GNB4: variants seen among roughly 807,000 people sequenced by gnomAD.
GNB4 encodes G protein subunit beta 4.
GNB4 carries 28 observed loss-of-function variants against 45.2 expected under a neutral mutation model. The observed-to-expected ratio is 0.62, with a 90% CI of 0.46 to 0.85. GNB4 has a LOEUF of 0.85. Ranked by LOEUF, GNB4 falls within the 40% of genes least tolerant of loss-of-function variation. GNB4 has a pLI of 0.00. For missense variants in GNB4, 321 were observed against 425.4 expected, an observed-to-expected ratio of 0.75 and a Z score of 2.16; for synonymous variants, 132 against 143.7, an observed-to-expected ratio of 0.92 and a Z score of 0.58.
intron 4 of GNB4, among the ~76,000 whole-genome samples, chr3:179,418,470 C>CAAAAAAAAAAAAA (rs386356535): frequency 9.3e-4 from 89 of 95,318 alleles, no homozygotes; most frequent in Non-Finnish European, 1.4e-3. Context: ...AACTCTGTCT[C>CAAAAAAAAAAAAA]AAAAAAAAAA....
At chr3:179,476,980 A>G in the GNB4 span, among the ~76,000 whole-genome samples, 2 of 152,168 alleles carry the variant, frequency 1.3e-5, no homozygotes, top group Non-Finnish European at 2.9e-5. Context: ...TACAGACCCA[A>G]GGTGGCTCTG....
the GNB4 span, among the ~76,000 whole-genome samples, chr3:179,492,046 T>G: frequency 6.0e-4 from 91 of 152,298 alleles, no homozygotes; most frequent in Non-Finnish European, 1.1e-3. Flanking sequence ...AGAAACCATG[T>G]GAAGCACAAA....
intron 4 of GNB4, among the ~76,000 whole-genome samples, chr3:179,418,845 A>G (rs1441965045): frequency 1.3e-5 from 2 of 152,260 alleles, no homozygotes; most frequent in Non-Finnish European, 2.9e-5. Context: ...GACAGTGATG[A>G]GCAATCTATC....
the GNB4 span, among the ~76,000 whole-genome samples, chr3:179,499,037 A>C: frequency 3.4e-4 from 51 of 151,374 alleles, no homozygotes; most frequent in Non-Finnish European, 1.5e-4. Context: ...TGTTCTTGTT[A>C]GTTTGCTGAG....
At chr3:179,494,571 G>A in the GNB4 span, among the ~76,000 whole-genome samples, 4 of 151,054 alleles carry the variant, frequency 2.6e-5, no homozygotes, top group Non-Finnish European at 5.9e-5. Context: ...AGGAAGGAAG[G>A]AGGGAGGGAG....
At chr3:179,403,359 A>G (rs1281839477) in intron 9 of GNB4, among the ~76,000 whole-genome samples, 1 of 152,124 alleles carries the variant, frequency 6.6e-6, no homozygotes, top group Non-Finnish European at 1.5e-5. Context: ...CTTAAAAAAA[A>G]AATTCTTTCA....
the GNB4 span, among the ~76,000 whole-genome samples, chr3:179,458,725 T>C: frequency 2.0e-3 from 298 of 152,332 alleles, 1 homozygote; most frequent in African/African-American, 6.8e-3. Flanking sequence ...TGCTAGGCTG[T>C]GTTTTTAAAT....
chr3:179,518,158 A>T, the GNB4 span, among the ~76,000 whole-genome samples: 4 of 151,820 alleles, frequency 2.6e-5, no homozygotes, highest in Admixed American at 1.3e-4. Flanking sequence ...AACCTCTTTA[A>T]CTCACACCTG....
chr3:179,419,701 T>C (rs1249205428), intron 3 of GNB4, among the ~76,000 whole-genome samples, 196 bp from the exon 4 acceptor site: 1 of 152,146 alleles, frequency 6.6e-6, no homozygotes, highest in Admixed American at 6.5e-5. Context: ...TTTAAAATAA[T>C]CCTATGTGCT....
the GNB4 span, among the ~76,000 whole-genome samples, chr3:179,461,575 T>C: frequency 1.3e-5 from 2 of 152,296 alleles, no homozygotes; most frequent in African/African-American, 4.8e-5. Context: ...AGCTAATTGT[T>C]TGGGTCTACA....
chr3:179,475,445 T>C, the GNB4 span, among the ~76,000 whole-genome samples: 2 of 150,258 alleles, frequency 1.3e-5, no homozygotes, highest in Non-Finnish European at 3.0e-5. Context: ...TTTTCATTTT[T>C]ATTTTATTTT....
At chr3:179,519,761 C>T in the GNB4 span, among the ~76,000 whole-genome samples, 39 of 152,226 alleles carry the variant, frequency 2.6e-4, no homozygotes, top group East Asian at 2.7e-3. Context: ...AAGTATAGGA[C>T]ACCTCTACTC....
chr3:179,527,790 ATGTGTGTGTG>A, the GNB4 span, among the ~76,000 whole-genome samples: 346 of 142,240 alleles, frequency 2.4e-3, no homozygotes, highest in Middle Eastern at 7.9e-3. Flanking sequence ...GTGTGTATGT[ATGTGTGTGTG>A]TGTGTGTGTG....
At chr3:179,521,045 C>T in the GNB4 span, among the ~76,000 whole-genome samples, 1 of 152,226 alleles carries the variant, frequency 6.6e-6, no homozygotes, top group African/African-American at 2.4e-5. Flanking sequence ...CCCTACACAT[C>T]AAACTCGGGG....
chr3:179,483,387 TATAA>T, the GNB4 span, among the ~76,000 whole-genome samples: 2 of 151,964 alleles, frequency 1.3e-5, no homozygotes, highest in Non-Finnish European at 2.9e-5. Context: ...CAGTTTATAT[TATAA>T]ATAAATAGTA....
At chr3:179,403,845 TAAAA>T (rs1176856887) in intron 9 of GNB4, among the ~76,000 whole-genome samples, 3 of 150,744 alleles carry the variant, frequency 2.0e-5, no homozygotes, top group Admixed American at 1.3e-4. Flanking sequence ...TAAAAATTCT[TAAAA>T]AACAAAAAAA....
chr3:179,525,145 C>T, the GNB4 span, among the ~76,000 whole-genome samples: 1 of 152,022 alleles, frequency 6.6e-6, no homozygotes, highest in Non-Finnish European at 1.5e-5. Context: ...TAGGGAGGGA[C>T]CAATGTGTAA....
At position 179,449,202 on chromosome 3, in the gene GNB4, C is replaced by T. The variant is rs568595108; in HGVS notation, c.-43+2144G>A. Among the ~76,000 whole-genome samples the T allele has an allele frequency of 1.2e-4, 19 of 152,240 alleles. No homozygotes were observed. The South Asian group carries it at 3.9e-3, about 32-fold the overall frequency. The stretch of plus-strand genomic sequence containing the variant: ...TAGTTATAACTCTATCTCTAGAGAA[C>T]CCACATTAAAATGGAGTTACTGTTT... On this transcript the variant is annotated intron_variant, in intron 1 of 9. Transcript: ENST00000232564.
intron 2 of GNB4, among the ~76,000 whole-genome samples, chr3:179,425,502 GCT>G (rs1715115996): frequency 6.6e-6 from 1 of 152,022 alleles, no homozygotes; most frequent in Non-Finnish European, 1.5e-5. Context: ...ACAGAGTCTC[GCT>G]CTGTCACCCA....
Sources: gnomAD v4.1 joint callset for allele counts (sites outside exome capture counted in the v4.1 genomes callset) on GRCh38, gnomAD v4.1.1 for gene constraint, MANE v1.5 for transcripts, NCBI Gene and HGNC (gene_info 2026-07-23, HGNC 2026-07-21) for gene names.